APMAP: variants seen among roughly 807,000 people sequenced by gnomAD.
APMAP encodes the protein adipocyte plasma membrane-associated protein.
APMAP carries 33 observed loss-of-function variants against 43.6 expected under a neutral mutation model. The ratio of observed to expected loss-of-function variants is 0.76; its 90% CI spans 0.57 to 1.01. The LOEUF (loss-of-function observed/expected upper bound fraction) is 1.01. Ranked by LOEUF, APMAP falls within the 50% of genes least tolerant of loss-of-function variation. APMAP has a pLI of 0.00. For missense variants in APMAP, 498 were observed against 540.7 expected (o/e 0.92, Z 0.78); for synonymous variants, 224 against 216.7 (o/e 1.03, Z -0.30).
rs532589073 is a variant in APMAP at position 24,970,192 on chromosome 20, C to T, written c.713+5G>A. ...ACAAATGGGAGACCTGGAGCAAGGC[C>T]TCACCGCCCGTCATCTGTGCCCTCC... On this transcript the variant is annotated splice_donor_5th_base_variant and intron_variant, in intron 6 of 8. Coordinates refer to ENST00000217456, the MANE Select transcript of APMAP (RefSeq NM_020531.3). 6.2e-7 allele frequency: 1 copy of T among 1,614,058 alleles called. No individual in the cohort carries two copies. The highest frequency in any genetic ancestry group is 1.3e-5 in the African/African-American group (1 of 75,030).
Position 24,963,600 on chromosome 20 carries a change from T to C in APMAP, c.*213A>G. 1 of 585,344 alleles carries C rather than the reference T, an allele frequency of 1.7e-6. No individual in the cohort carries two copies. Among genetic ancestry groups the C allele is most frequent in the Non-Finnish European group, 3.0e-6 (1 of 328,236 alleles). 36.3% of individuals were successfully genotyped at this position (585,344 alleles called of 1,614,324 possible). A position where few individuals can be genotyped will look rare whatever the true frequency, so the allele number is the denominator to read the frequency against. On this transcript the variant is annotated 3_prime_UTR_variant, in exon 9 of 9. Coordinates refer to ENST00000217456, the MANE Select transcript of APMAP (RefSeq NM_020531.3). ...ATGAATTTATGTTCCTCATGGCAGA[T>C]ATGTTACACTTCCCTCTAAACAGAA...
chr20:24,967,504 T>C (rs1032676657), intron 8 of APMAP, among the ~76,000 whole-genome samples: 1 of 152,164 alleles, frequency 6.6e-6, no homozygotes, highest in Non-Finnish European at 1.5e-5. Flanking sequence ...TGCCAGGCAC[T>C]GTTGCAGGTG....
intron 3 of APMAP, among the ~76,000 whole-genome samples, chr20:24,975,569 C>T (rs185842193): frequency 1.3e-5 from 2 of 152,136 alleles, no homozygotes; most frequent in African/African-American, 4.8e-5. Context: ...GACAGGAATA[C>T]TCAATATTGT....
chr20:24,972,842 C>T (rs1246688672), intron 4 of APMAP, among the ~76,000 whole-genome samples: 4 of 151,682 alleles, frequency 2.6e-5, no homozygotes, highest in Non-Finnish European at 5.9e-5. Context: ...TGGGTGCTCA[C>T]TGCAAATGCT....
chr20:24,982,021 C>T lies in APMAP; in HGVS notation c.212+1882G>A, dbSNP rs76496710. The stretch of plus-strand genomic sequence containing the variant: ...GTCATGTACCAGGCTTCTGCTTCTG[C>T]TCTGCATTTTGGGGCCTATCTTCCT... On this transcript the variant is annotated intron_variant, in intron 2 of 8. Transcript: ENST00000217456. Among the ~76,000 whole-genome samples the T allele has an allele frequency of 1.1e-4, 17 of 152,344 alleles. No individual in the cohort carries two copies. The East Asian group carries it at 3.3e-3, about 29-fold the overall frequency.
rs1042017881 is a variant in APMAP at position 24,963,053 on chromosome 20, G to T, written c.*760C>A. On this transcript the variant is annotated 3_prime_UTR_variant, in exon 9 of 9. Coordinates refer to ENST00000217456, the MANE Select transcript of APMAP (RefSeq NM_020531.3). ...ACATGAGCAAAGATGACATTAACAC[G>T]TGCACTGTTCACATCTTGGGGTCTA... The T allele has an allele frequency of 1.1e-4, 16 of 152,328 alleles. No homozygotes were observed. Among genetic ancestry groups the T allele is most frequent in the African/African-American group, 3.6e-4 (15 of 41,556 alleles). 9.4% of individuals were successfully genotyped at this position (152,328 alleles called of 1,614,324 possible). A position where few individuals can be genotyped will look rare whatever the true frequency, so the allele number is the denominator to read the frequency against.
chr20:24,964,279 G>T, intron 8 of APMAP: 2 of 653,514 alleles, frequency 3.1e-6, no homozygotes, highest in Non-Finnish European at 5.8e-6. Context: ...AGCAACGCAA[G>T]CACATCTCTG....
At position 24,973,637 on chromosome 20, in the gene APMAP, C is replaced by G; in HGVS notation, c.421+8G>C. On this transcript the variant is annotated splice_region_variant and intron_variant, in intron 4 of 8. Transcript: ENST00000217456. ...AAGAGACACATCGAGGGATTATCAC[C>G]AACTTACTGCAAGGGCCCGAACCAA... 1.2e-6 allele frequency: 2 copies of G among 1,611,828 alleles called. No individual in the cohort carries two copies. The highest frequency in any genetic ancestry group is 1.7e-6 in the Non-Finnish European group (2 of 1,178,048).
intron 5 of APMAP, 27 bp downstream of exon 5, chr20:24,971,433 A>G: frequency 6.3e-7 from 1 of 1,582,536 alleles, no homozygotes. Context: ...AAATCTTCAT[A>G]GAAGGAAACG....
intron 1 of APMAP, among the ~76,000 whole-genome samples, chr20:24,991,715 G>C (rs1374218955): frequency 1.3e-5 from 2 of 152,116 alleles, no homozygotes; most frequent in South Asian, 2.1e-4. Flanking sequence ...TTCAAGCTTG[G>C]TCTATGGGGC....
chr20:24,976,659 C>T (rs377520991), intron 3 of APMAP, among the ~76,000 whole-genome samples: 9 of 152,204 alleles, frequency 5.9e-5, no homozygotes, highest in African/African-American at 2.2e-4. Context: ...TCTTACCATA[C>T]AATCCAGCAA....
chr20:24,977,389 A>G (rs1242759048), intron 3 of APMAP, among the ~76,000 whole-genome samples: 1 of 152,266 alleles, frequency 6.6e-6, no homozygotes, highest in African/African-American at 2.4e-5. Flanking sequence ...GCTCTTAAAA[A>G]TAAAGTCTAC....
At chr20:24,965,341 CT>C (rs1159057089) in intron 8 of APMAP, among the ~76,000 whole-genome samples, 1 of 152,278 alleles carries the variant, frequency 6.6e-6, no homozygotes, top group Admixed American at 6.5e-5. Flanking sequence ...CAGCTGAGCC[CT>C]GCTGCAAGCT....
intron 1 of APMAP, among the ~76,000 whole-genome samples, chr20:24,988,789 G>GA: frequency 6.6e-6 from 1 of 152,306 alleles, no homozygotes; most frequent in Middle Eastern, 3.4e-3. Context: ...GCCTCCACTG[G>GA]AAAGTTCTGT....
In APMAP at chr20:24,963,924, G is replaced by A. The variant is rs375375077; in HGVS notation, c.1140C>T (p.Pro380=). The A allele has an allele frequency of 5.6e-5, 91 of 1,614,106 alleles. 2 individuals are homozygous for A. In the South Asian group the frequency reaches 9.0e-4, roughly 16 times the overall value. The change falls in exon 9 of 9, where the codon CCC becomes CCT. Residue 380 remains proline (P), a synonymous_variant. Coordinates refer to ENST00000217456, the MANE Select transcript of APMAP (RefSeq NM_020531.3). ...TGATGTAGGTGGCCACCAGCCCATC[G>A]GGATCATGCAGGCTTCTCCGGAAGG... ...SGAFRRSLHD[P]DGLVATYISE... is the part of the protein sequence containing the mutation.
chr20:24,971,029 G>A (rs2087994686), intron 5 of APMAP, among the ~76,000 whole-genome samples: 1 of 152,128 alleles, frequency 6.6e-6, no homozygotes. Flanking sequence ...GCCTGATCAA[G>A]GGGACTCATG....
At chr20:24,968,283 T>G (rs552669667) in intron 8 of APMAP, among the ~76,000 whole-genome samples, 1 of 152,014 alleles carries the variant, frequency 6.6e-6, no homozygotes, top group Admixed American at 6.5e-5. Context: ...TGGCTGGCCA[T>G]TGGTGGGGGT....
chr20:24,972,295 T>C (rs1430668287), intron 4 of APMAP, among the ~76,000 whole-genome samples: 8 of 148,270 alleles, frequency 5.4e-5, no homozygotes, highest in African/African-American at 2.0e-4. Flanking sequence ...GTGTTCACTG[T>C]GGGGTGCTCA....
At chr20:24,969,127 ATTTC>A (rs1279720393) in intron 7 of APMAP, 43 bp from the exon 8 acceptor site, 2 of 1,515,612 alleles carry the variant, frequency 1.3e-6, no homozygotes, top group Admixed American at 2.3e-5. Context: ...TAGCCCCTCA[ATTTC>A]AGAAAAAAAA....
Sources: allele counts gnomAD v4.1 joint callset (sites outside exome capture counted in the v4.1 genomes callset), GRCh38; gene constraint gnomAD v4.1.1; transcripts MANE v1.5; gene names NCBI Gene and HGNC (gene_info 2026-07-23, HGNC 2026-07-21).